The following MTAP variants were observed in gnomAD, a reference collection of about 807,000 sequenced individuals.
The protein encoded by MTAP is S-methyl-5'-thioadenosine phosphorylase.
A neutral mutation model predicts 33.6 loss-of-function variants in MTAP; 33 were observed. That is an observed-to-expected ratio of 0.98 (90% CI 0.74 to 1.31). The LOEUF is 1.31. MTAP is among the 40% of genes most tolerant of loss of function. The probability of loss-of-function intolerance (pLI) is 0.00; values close to 1 mark genes in which losing one functional copy is unlikely to be tolerated. For missense variants in MTAP, 367 were observed against 360.0 expected, an observed-to-expected ratio of 1.02 and a Z score of -0.16; for synonymous variants, 148 against 125.7, an observed-to-expected ratio of 1.18 and a Z score of -1.19.
chr9:21,896,612 A>G (rs989782333), intron 1 of MTAP, among the ~76,000 whole-genome samples: 1 of 152,332 alleles, frequency 6.6e-6, no homozygotes, highest in East Asian at 1.9e-4. Flanking sequence ...AAACACCTCT[A>G]TGCAAATAAA....
intron 1 of MTAP, among the ~76,000 whole-genome samples, chr9:21,883,035 A>G (rs969168938): frequency 1.3e-5 from 2 of 151,924 alleles, no homozygotes; most frequent in African/African-American, 4.8e-5. Flanking sequence ...GAAAAGCAGA[A>G]CTTAATTAAA....
chr9:21,859,587 CTG>C (rs1825712340), intron 7 of MTAP, 162 bp downstream of exon 7: 1 of 685,826 alleles, frequency 1.5e-6, no homozygotes, highest in Admixed American at 3.8e-5. Context: ...ACTTGTGAAA[CTG>C]AGTAGTCTTA....
intron 1 of MTAP, among the ~76,000 whole-genome samples, chr9:21,916,348 G>T (rs1376409534): frequency 1.3e-5 from 2 of 151,878 alleles, no homozygotes; most frequent in Admixed American, 6.6e-5. Context: ...GGTGGCTCAC[G>T]TCTGAAATCC....
chr9:21,921,692 C>T (rs1295603705), intron 1 of MTAP, among the ~76,000 whole-genome samples: 1 of 152,138 alleles, frequency 6.6e-6, no homozygotes, highest in Non-Finnish European at 1.5e-5. Flanking sequence ...GACTTCTGGC[C>T]AGAAGCAGTG....
rs1818345029 is a variant in MTAP, at chr9:21,899,054, T to TA, written c.148-31948dup. The stretch of plus-strand genomic sequence containing the variant: ...TACACCATGGAATACTATGCAGCCA[T>TA]AAAAAAGGATGAGTTCATGTCCTTT... On this transcript the variant is annotated intron_variant, in intron 1 of 1. Transcript: ENST00000577563. Among the ~76,000 whole-genome samples the TA allele has an allele frequency of 2.0e-5, 3 of 151,792 alleles. No homozygotes were observed. In the South Asian group the frequency reaches 6.3e-4, roughly 32 times the overall value.
chr9:21,904,394 A>ACCT (rs1306420394), intron 1 of MTAP, among the ~76,000 whole-genome samples: 1 of 151,674 alleles, frequency 6.6e-6, no homozygotes, highest in Non-Finnish European at 1.5e-5. Context: ...AGGGACCACG[A>ACCT]CCTCCTCCTC....
At chr9:21,898,574 A>C (rs953819303) in intron 1 of MTAP, among the ~76,000 whole-genome samples, 7 of 152,260 alleles carry the variant, frequency 4.6e-5, no homozygotes, top group African/African-American at 1.7e-4. Flanking sequence ...TGGGCAAAGG[A>C]TATGAACAGG....
chr9:21,897,571 T>C (rs1818317295), intron 1 of MTAP, among the ~76,000 whole-genome samples: 1 of 152,176 alleles, frequency 6.6e-6, no homozygotes, highest in Non-Finnish European at 1.5e-5. Flanking sequence ...ATCACAAGCA[T>C]TCTTATACAC....
At chr9:21,913,749 A>C (rs1818625995) in intron 1 of MTAP, among the ~76,000 whole-genome samples, 1 of 152,230 alleles carries the variant, frequency 6.6e-6, no homozygotes, top group Non-Finnish European at 1.5e-5. Context: ...CACCAAAAGC[A>C]ATGGCAACAA....
chr9:21,870,779 CTTTTT>C (rs777664959), downstream of MTAP, among the ~76,000 whole-genome samples: 1 of 131,034 alleles, frequency 7.6e-6, no homozygotes, highest in Non-Finnish European at 1.6e-5. Context: ...ATTTTTTTTT[CTTTTT>C]TTTTTTTTTT....
chr9:21,844,847 C>A (rs147972467), intron 5 of MTAP, among the ~76,000 whole-genome samples: 2 of 151,906 alleles, frequency 1.3e-5, no homozygotes, highest in Non-Finnish European at 2.9e-5. Context: ...CTGGCTAACA[C>A]GGTGAAACCC....
chr9:21,810,505 C>A (rs754724334), intron 1 of MTAP, among the ~76,000 whole-genome samples: 5 of 152,192 alleles, frequency 3.3e-5, no homozygotes, highest in Non-Finnish European at 5.9e-5. Flanking sequence ...AGAACACCCT[C>A]CCCTGGGACT....
At chr9:21,835,813 T>A (rs1252480783) in intron 4 of MTAP, among the ~76,000 whole-genome samples, 1 of 152,220 alleles carries the variant, frequency 6.6e-6, no homozygotes, top group Non-Finnish European at 1.5e-5. Flanking sequence ...TGCAGGTGTA[T>A]TGCTGTTTAT....
intron 4 of MTAP, among the ~76,000 whole-genome samples, chr9:21,825,757 C>T (rs1455743752): frequency 1.3e-5 from 2 of 152,206 alleles, no homozygotes; most frequent in African/African-American, 2.4e-5. Context: ...GGGAGAATCG[C>T]TTGAGCCTGG....
chr9:21,803,834 A>C (rs979753469), intron 1 of MTAP, among the ~76,000 whole-genome samples: 1 of 152,206 alleles, frequency 6.6e-6, no homozygotes, highest in Non-Finnish European at 1.5e-5. Flanking sequence ...TCCCGGGAGA[A>C]GGCGAATTTC....
At chr9:21,912,680 T>G (rs1343688337) in intron 1 of MTAP, among the ~76,000 whole-genome samples, 2 of 152,216 alleles carry the variant, frequency 1.3e-5, no homozygotes, top group Non-Finnish European at 2.9e-5. Context: ...AGTATCATAC[T>G]GAATGGGCAA....
downstream of MTAP, among the ~76,000 whole-genome samples, chr9:21,867,539 T>C (rs1247770400): frequency 6.6e-6 from 1 of 151,882 alleles, no homozygotes; most frequent in East Asian, 1.9e-4. Flanking sequence ...CCCCTTTATA[T>C]AATGCTGGAT....
At chr9:21,804,823 C>G (rs112734728) in intron 1 of MTAP, among the ~76,000 whole-genome samples, 10 of 152,236 alleles carry the variant, frequency 6.6e-5, no homozygotes, top group Non-Finnish European at 1.3e-4. Flanking sequence ...CAGAATTACA[C>G]AGCTGGACCT....
chr9:21,844,849 G>A (rs1464006039), intron 5 of MTAP, among the ~76,000 whole-genome samples: 2 of 152,144 alleles, frequency 1.3e-5, no homozygotes, highest in Non-Finnish European at 2.9e-5. Flanking sequence ...GGCTAACACG[G>A]TGAAACCCCA....
Sources: allele counts gnomAD v4.1 joint callset (sites outside exome capture counted in the v4.1 genomes callset), GRCh38; gene constraint gnomAD v4.1.1; transcripts MANE v1.5; gene names NCBI Gene and HGNC (gene_info 2026-07-23, HGNC 2026-07-21).